MEF2C: variants seen among roughly 807,000 people sequenced by gnomAD.
MEF2C encodes the protein myocyte-specific enhancer factor 2C.
Under a neutral mutation model 50.5 loss-of-function variants are expected in MEF2C, and 6 were observed. That is an observed-to-expected ratio of 0.12 (90% CI 0.07 to 0.23). The LOEUF (loss-of-function observed/expected upper bound fraction) is 0.23. Among genes scored for constraint, MEF2C ranks in the 10% least tolerant of loss-of-function variants. MEF2C has a pLI of 1.00. For synonymous variants in MEF2C, 183 were observed against 228.0 expected, an observed-to-expected ratio of 0.80 and a Z score of 1.78; for missense variants, 276 against 605.0, an observed-to-expected ratio of 0.46 and a Z score of 5.70.
intron 1 of MEF2C, among the ~76,000 whole-genome samples, chr5:88,864,722 T>G (rs1826698800): frequency 6.6e-6 from 1 of 151,860 alleles, no homozygotes; most frequent in African/African-American, 2.4e-5. Flanking sequence ...TCCCAAGTAG[T>G]TAGGACAACA....
chr5:88,893,535 T>A (rs1834815665), intron 1 of MEF2C, among the ~76,000 whole-genome samples: 1 of 152,014 alleles, frequency 6.6e-6, no homozygotes, highest in Non-Finnish European at 1.5e-5. Context: ...TTCTAGGTAA[T>A]TTTTTAAATG....
At chr5:88,840,038 T>C (rs555734412) in intron 1 of MEF2C, among the ~76,000 whole-genome samples, 114 of 152,336 alleles carry the variant, frequency 7.5e-4, no homozygotes, top group African/African-American at 2.5e-3. Context: ...AAACACCGGA[T>C]ATTAATATTG....
At chr5:88,884,799 CAAAAA>C (rs34331976), upstream of MEF2C, among the ~76,000 whole-genome samples, 1 of 109,278 alleles carries the variant, frequency 9.2e-6, no homozygotes, top group African/African-American at 3.3e-5. Context: ...CTTTTCCTTA[CAAAAA>C]AAAAAAAAAA....
intron 1 of MEF2C, among the ~76,000 whole-genome samples, chr5:88,893,957 T>C (rs1187592840): frequency 1.3e-5 from 2 of 152,192 alleles, no homozygotes; most frequent in Admixed American, 1.3e-4. Flanking sequence ...ATACTAAATG[T>C]GTAGTTAAAT....
intron 1 of MEF2C, among the ~76,000 whole-genome samples, chr5:88,879,634 T>A (rs140529772): frequency 6.6e-6 from 1 of 152,084 alleles, no homozygotes; most frequent in African/African-American, 2.4e-5. Flanking sequence ...AGCCTTACAA[T>A]ACCTGCTTCA....
At chr5:88,828,816 T>C (rs1295338171) in intron 1 of MEF2C, among the ~76,000 whole-genome samples, 1 of 152,004 alleles carries the variant, frequency 6.6e-6, no homozygotes, top group African/African-American at 2.4e-5. Flanking sequence ...TCAAAAGGTA[T>C]AACCAAATTA....
At chr5:88,781,717 A>T (rs1243155142) in intron 3 of MEF2C, among the ~76,000 whole-genome samples, 1 of 151,994 alleles carries the variant, frequency 6.6e-6, no homozygotes, top group Non-Finnish European at 1.5e-5. Context: ...CACACCTGTA[A>T]TCTCAGCACT....
At chr5:88,742,727 G>C in intron 6 of MEF2C, 1 of 985,250 alleles carries the variant, frequency 1.0e-6, no homozygotes. Context: ...CATTTGTCTT[G>C]TCTTTGACCT....
chr5:88,740,143 C>T (rs2152402881), intron 6 of MEF2C: 1 of 985,178 alleles, frequency 1.0e-6, no homozygotes, highest in South Asian at 4.7e-5. Flanking sequence ...TTGACCATGT[C>T]ACCTGATGCT....
chr5:88,733,407 A>C (rs1561708715), intron 6 of MEF2C: 1 of 985,298 alleles, frequency 1.0e-6, no homozygotes, highest in Non-Finnish European at 1.2e-6. Flanking sequence ...TATATGGTGG[A>C]AATGAAAGTT....
chr5:88,728,629 C>T lies in MEF2C; in HGVS notation c.965-1G>A. 7.1e-7 allele frequency: 1 copy of T among 1,414,680 alleles called. No individual in the cohort carries two copies. The highest frequency in any genetic ancestry group is 1.7e-5 in the South Asian group (1 of 57,858). The allele number at this position is 1,414,680 out of a possible 1,614,324, so 87.6% of individuals were successfully genotyped here. A position where few individuals can be genotyped will look rare whatever the true frequency, so the allele number is the denominator to read the frequency against. On this transcript the variant is annotated splice_acceptor_variant, in intron 9 of 10. Coordinates refer to ENST00000504921, the MANE Select transcript of MEF2C (RefSeq NM_002397.5). LOFTEE classifies it high-confidence loss of function. ...AGGTCTGCACTACTCAGAGAGTACTCTAGATTAAAGAATAAAACAACAAGG... is the reference window on the plus strand; with the variant it reads ...AGGTCTGCACTACTCAGAGAGTACTTTAGATTAAAGAATAAAACAACAAGG...
intron 3 of MEF2C, among the ~76,000 whole-genome samples, chr5:88,773,806 G>C (rs991726590): frequency 6.6e-6 from 1 of 152,206 alleles, no homozygotes; most frequent in South Asian, 2.1e-4. Context: ...GTCTGTAAAA[G>C]GTGAGCAGTC....
At chr5:88,869,253 A>ATATATATATATG (rs1828417527) in intron 1 of MEF2C, among the ~76,000 whole-genome samples, 1 of 41,304 alleles carries the variant, frequency 2.4e-5, no homozygotes, top group African/African-American at 2.4e-4. Flanking sequence ...ACTAGTTTTC[A>ATATATATATATG]TATATATATA....
At chr5:88,831,123 C>T (rs1364221615) in intron 1 of MEF2C, among the ~76,000 whole-genome samples, 3 of 151,992 alleles carry the variant, frequency 2.0e-5, no homozygotes, top group East Asian at 1.9e-4. Flanking sequence ...TCATATTTCA[C>T]GATTAAAATG....
chr5:88,844,959 A>T (rs1022565735), intron 1 of MEF2C, among the ~76,000 whole-genome samples: 1 of 152,200 alleles, frequency 6.6e-6, no homozygotes, highest in Non-Finnish European at 1.5e-5. Flanking sequence ...TTATCTAATA[A>T]ATGTCTATGC....
intron 1 of MEF2C, among the ~76,000 whole-genome samples, chr5:88,861,537 G>T (rs182071021): frequency 4.6e-5 from 7 of 152,212 alleles, no homozygotes; most frequent in African/African-American, 1.7e-4. Context: ...GCTACTGCAC[G>T]AAGTGAGAGA....
At chr5:88,731,517 G>GAT (rs199619362) in intron 7 of MEF2C, 325 of 495,090 alleles carry the variant, frequency 6.6e-4, no homozygotes, top group Middle Eastern at 2.2e-3. Context: ...AAGTTCACCA[G>GAT]ATATATATAT....
chr5:88,748,055 C>A (rs2152488216), intron 6 of MEF2C: 1 of 984,984 alleles, frequency 1.0e-6, no homozygotes, highest in African/African-American at 1.7e-5. Context: ...CTGTGTAGGT[C>A]TAATACTTTT....
At chr5:88,726,396 C>T (rs998446904) in intron 10 of MEF2C, among the ~76,000 whole-genome samples, 2 of 151,998 alleles carry the variant, frequency 1.3e-5, no homozygotes, top group African/African-American at 4.8e-5. Flanking sequence ...AGTATTGCAG[C>T]TTGGGATTTT....
Sources: allele counts gnomAD v4.1 joint callset (sites outside exome capture counted in the v4.1 genomes callset), GRCh38; gene constraint gnomAD v4.1.1; transcripts MANE v1.5; gene names NCBI Gene and HGNC (gene_info 2026-07-23, HGNC 2026-07-21).